The following ALK variants were observed in gnomAD, a reference collection of about 807,000 sequenced individuals.
ALK encodes the protein ALK receptor tyrosine kinase.
In ALK, 74 loss-of-function variants were observed where a neutral mutation model predicts 163.1. The ratio of observed to expected loss-of-function variants is 0.45; its 90% CI spans 0.38 to 0.55. ALK has a LOEUF of 0.55. Among genes scored for constraint, ALK ranks in the 20% least tolerant of loss-of-function variants. The probability of loss-of-function intolerance (pLI) is 0.00; values close to 1 mark genes in which losing one functional copy is unlikely to be tolerated. For synonymous variants in ALK, 960 were observed against 843.2 expected (o/e 1.14, Z -2.40); for missense variants, 2,063 against 2,105.3 (o/e 0.98, Z 0.39).
chr2:29,510,920 C>G (rs1672493310), intron 4 of ALK, among the ~76,000 whole-genome samples: 1 of 152,150 alleles, frequency 6.6e-6, no homozygotes, highest in African/African-American at 2.4e-5. Flanking sequence ...CTGTGCAAGG[C>G]AGACTGAAGG....
chr2:29,894,947 C>T (rs1270725316), intron 1 of ALK, among the ~76,000 whole-genome samples: 1 of 152,036 alleles, frequency 6.6e-6, no homozygotes, highest in Non-Finnish European at 1.5e-5. Flanking sequence ...ATTTGTTTAA[C>T]AATCAATGGG....
intron 3 of ALK, among the ~76,000 whole-genome samples, chr2:29,631,113 T>C (rs898220242): frequency 3.3e-5 from 5 of 152,206 alleles, no homozygotes; most frequent in Non-Finnish European, 7.3e-5. Flanking sequence ...ATGTTCATAG[T>C]TATATATGCA....
intron 1 of ALK, among the ~76,000 whole-genome samples, chr2:29,795,706 A>C (rs2148360313): frequency 6.6e-6 from 1 of 152,320 alleles, no homozygotes; most frequent in East Asian, 1.9e-4. Flanking sequence ...ATCATCTTAA[A>C]AATTTTATAT....
chr2:29,877,433 C>T (rs1201771547), intron 1 of ALK, among the ~76,000 whole-genome samples: 5 of 152,268 alleles, frequency 3.3e-5, no homozygotes, highest in African/African-American at 9.6e-5. Flanking sequence ...CTGACCCTTA[C>T]CAGCATGTAT....
At chr2:29,580,001 C>G (rs1055018125) in intron 3 of ALK, among the ~76,000 whole-genome samples, 38 of 152,110 alleles carry the variant, frequency 2.5e-4, no homozygotes, top group African/African-American at 8.2e-4. Context: ...CCTCCTCAAC[C>G]CACTCACCCC....
intron 1 of ALK, among the ~76,000 whole-genome samples, chr2:29,772,445 A>G (rs1164261223): frequency 3.3e-5 from 5 of 152,192 alleles, no homozygotes; most frequent in Non-Finnish European, 7.3e-5. Flanking sequence ...TGGAAGAGTG[A>G]AGAGAAATTA....
At chr2:29,304,190 G>A (rs776490654) in intron 8 of ALK, among the ~76,000 whole-genome samples, 13 of 152,180 alleles carry the variant, frequency 8.5e-5, no homozygotes, top group Non-Finnish European at 1.8e-4. Flanking sequence ...AGTGTTACCT[G>A]GGACCTTGTT....
At chr2:29,398,180 G>T (rs898056876) in intron 4 of ALK, among the ~76,000 whole-genome samples, 1 of 152,186 alleles carries the variant, frequency 6.6e-6, no homozygotes, top group African/African-American at 2.4e-5. Flanking sequence ...CTGGGCACAG[G>T]CCAGCGTTTC....
At chr2:29,743,048 C>G (rs2148326062) in intron 1 of ALK, among the ~76,000 whole-genome samples, 1 of 152,266 alleles carries the variant, frequency 6.6e-6, no homozygotes, top group Middle Eastern at 3.4e-3. Context: ...ATCTCAGCAG[C>G]CTTAAACAGA....
intron 1 of ALK, among the ~76,000 whole-genome samples, chr2:29,854,919 C>A (rs555797573): frequency 1.4e-4 from 21 of 147,204 alleles, no homozygotes; most frequent in South Asian, 2.1e-4. Context: ...TATTTTATTG[C>A]GGTAAGAGCA....
chr2:29,644,295 G>C (rs984306599), intron 3 of ALK, among the ~76,000 whole-genome samples: 16 of 151,738 alleles, frequency 1.1e-4, no homozygotes, highest in African/African-American at 3.9e-4. Flanking sequence ...TATACCTAAA[G>C]TTAAATGATG....
chr2:29,670,153 T>G (rs995572794), intron 3 of ALK, among the ~76,000 whole-genome samples: 2 of 152,138 alleles, frequency 1.3e-5, no homozygotes, highest in African/African-American at 4.8e-5. Context: ...AGTGTTTATT[T>G]TTGTTTCAGA....
intron 1 of ALK, among the ~76,000 whole-genome samples, chr2:29,784,599 G>A (rs1393976162): frequency 2.0e-5 from 3 of 152,108 alleles, no homozygotes; most frequent in African/African-American, 7.2e-5. Context: ...GGGAGACTGA[G>A]CAGAAGAATC....
chr2:29,550,281 A>G (rs756187249), intron 3 of ALK, among the ~76,000 whole-genome samples: 6 of 152,248 alleles, frequency 3.9e-5, no homozygotes, highest in Non-Finnish European at 5.9e-5. Context: ...GGAGATATCA[A>G]TTAACTTGCC....
intron 3 of ALK, among the ~76,000 whole-genome samples, chr2:29,671,325 C>A (rs187601217): frequency 1.5e-4 from 23 of 152,168 alleles, no homozygotes; most frequent in Non-Finnish European, 2.9e-4. Context: ...AGTTTGTGCC[C>A]AGGGAACCTG....
intron 3 of ALK, among the ~76,000 whole-genome samples, chr2:29,535,284 A>G (rs1331178233): frequency 6.6e-6 from 1 of 152,200 alleles, no homozygotes; most frequent in Non-Finnish European, 1.5e-5. Flanking sequence ...TTTATTATGC[A>G]TCTTGTTGAT....
At chr2:29,624,646 C>T (rs897029446) in intron 3 of ALK, among the ~76,000 whole-genome samples, 2 of 152,114 alleles carry the variant, frequency 1.3e-5, no homozygotes, top group Non-Finnish European at 2.9e-5. Context: ...GGATGCTGGG[C>T]TTAATACTGG....
At chr2:29,745,502 T>A (rs912808921) in intron 1 of ALK, among the ~76,000 whole-genome samples, 1 of 152,182 alleles carries the variant, frequency 6.6e-6, no homozygotes, top group South Asian at 2.1e-4. Flanking sequence ...CTTGTACAGA[T>A]GAGAAGAAAG....
intron 3 of ALK, among the ~76,000 whole-genome samples, chr2:29,583,311 T>C (rs1558395297): frequency 6.6e-6 from 1 of 152,108 alleles, no homozygotes; most frequent in Non-Finnish European, 1.5e-5. Flanking sequence ...TCAAACCTCA[T>C]AACTGTTTGA....
Sources: gnomAD v4.1 joint callset for allele counts (sites outside exome capture counted in the v4.1 genomes callset) on GRCh38, gnomAD v4.1.1 for gene constraint, MANE v1.5 for transcripts, NCBI Gene and HGNC (gene_info 2026-07-23, HGNC 2026-07-21) for gene names.